Variants in PPFIA2 observed in about 807,000 individuals in gnomAD.
The protein encoded by PPFIA2 is liprin-alpha-2.
PPFIA2 carries 46 observed loss-of-function variants against 175.5 expected under a neutral mutation model. The observed-to-expected ratio is 0.26, with a 90% confidence interval of 0.21 to 0.34. PPFIA2 has a LOEUF of 0.34. Ranked by LOEUF, PPFIA2 falls within the 10% of genes least tolerant of loss-of-function variation. PPFIA2 has a pLI of 1.00. For missense variants in PPFIA2, 1,179 were observed against 1,506.1 expected, an observed-to-expected ratio of 0.78 and a Z score of 3.60; for synonymous variants, 568 against 511.4, an observed-to-expected ratio of 1.11 and a Z score of -1.49.
At chr12:81,493,733 T>C (rs1363697238) in intron 4 of PPFIA2, among the ~76,000 whole-genome samples, 1 of 39,230 alleles carries the variant, frequency 2.5e-5, no homozygotes, top group East Asian at 8.5e-4. Flanking sequence ...TGTGTGTTTG[T>C]GTGTGTGTGT....
At chr12:81,377,192 T>G (rs944989375) in intron 9 of PPFIA2, among the ~76,000 whole-genome samples, 5 of 152,126 alleles carry the variant, frequency 3.3e-5, no homozygotes, top group African/African-American at 1.2e-4. Context: ...ACCATATTTA[T>G]ACGTGCCATT....
intron 3 of PPFIA2, among the ~76,000 whole-genome samples, chr12:81,712,180 T>C (rs1430370823): frequency 6.6e-6 from 1 of 151,388 alleles, no homozygotes; most frequent in East Asian, 2.0e-4. Context: ...ACTACTATGC[T>C]GGTTGAAAGA....
At chr12:81,368,902 G>A in intron 12 of PPFIA2, 46 bp from the exon 13 acceptor site, 1 of 1,572,928 alleles carries the variant, frequency 6.4e-7, no homozygotes, top group East Asian at 2.3e-5. Flanking sequence ...AAAACTGTTT[G>A]AGATTATTTT....
At chr12:81,711,478 T>C (rs1346412278) in intron 3 of PPFIA2, among the ~76,000 whole-genome samples, 1 of 151,422 alleles carries the variant, frequency 6.6e-6, no homozygotes, top group Non-Finnish European at 1.5e-5. Flanking sequence ...TATTTATCTA[T>C]CTATCTATGT....
intron 4 of PPFIA2, among the ~76,000 whole-genome samples, chr12:81,518,212 A>T (rs2062696575): frequency 6.6e-6 from 1 of 152,210 alleles, no homozygotes; most frequent in Admixed American, 6.5e-5. Flanking sequence ...TGATGATCCA[A>T]TACCAACATG....
chr12:81,300,986 T>A (rs551285291), intron 22 of PPFIA2, among the ~76,000 whole-genome samples: 1 of 151,736 alleles, frequency 6.6e-6, no homozygotes, highest in South Asian at 2.1e-4. Flanking sequence ...TACAATACAA[T>A]ACAATATAAT....
intron 8 of PPFIA2, among the ~76,000 whole-genome samples, chr12:81,400,575 C>T (rs1033616676): frequency 2.6e-5 from 4 of 152,108 alleles, no homozygotes; most frequent in African/African-American, 9.7e-5. Flanking sequence ...TGAAAACATG[C>T]AAACAAAAAT....
Position 81,712,466 on chromosome 12 carries a change from T to C in PPFIA2, c.250-35622A>G, listed in dbSNP as rs1357607487. Reference sequence around the variant, plus strand: ...ATTTCCCAGCTGACATTAATTTTGGTTTATAAGGATGCACATTAAAAGCAG... The same window carrying C: ...ATTTCCCAGCTGACATTAATTTTGGCTTATAAGGATGCACATTAAAAGCAG... On this transcript the variant is annotated intron_variant, in intron 3 of 32. Transcript: ENST00000549396. 2.0e-5 allele frequency among the ~76,000 whole-genome samples: 3 copies of C among 151,296 alleles called. 1 individual carries two copies. The highest frequency in any genetic ancestry group is 4.4e-5 in the Non-Finnish European group (3 of 67,952).
chr12:81,700,890 T>C (rs920406132), intron 3 of PPFIA2, among the ~76,000 whole-genome samples: 3 of 152,104 alleles, frequency 2.0e-5, no homozygotes, highest in Non-Finnish European at 4.4e-5. Context: ...AGAATGCTCA[T>C]AGTTTAAATT....
intron 4 of PPFIA2, among the ~76,000 whole-genome samples, chr12:81,513,360 A>G (rs1048404875): frequency 6.6e-6 from 1 of 152,100 alleles, no homozygotes; most frequent in Non-Finnish European, 1.5e-5. Context: ...CAGAAAACTA[A>G]AAGTAGAACT....
At chr12:81,600,460 G>T (rs1357041075) in intron 4 of PPFIA2, among the ~76,000 whole-genome samples, 1 of 151,702 alleles carries the variant, frequency 6.6e-6, no homozygotes, top group Non-Finnish European at 1.5e-5. Context: ...CTTATGATTT[G>T]CTGAAACTAT....
intron 2 of PPFIA2, among the ~76,000 whole-genome samples, chr12:81,757,591 A>G (rs2084887510): frequency 6.6e-6 from 1 of 152,210 alleles, no homozygotes. Flanking sequence ...ATTTTATATC[A>G]GGAAAATAAC....
chr12:81,389,508 T>C lies in PPFIA2; in HGVS notation c.763-5264A>G, dbSNP rs553218461. 2.6e-4 allele frequency among the ~76,000 whole-genome samples: 39 copies of C among 152,188 alleles called. 1 individual carries two copies. In the South Asian group the frequency reaches 7.7e-3, roughly 30 times the overall value. On this transcript the variant is annotated intron_variant, in intron 8 of 32. Coordinates refer to ENST00000549396, the MANE Select transcript of PPFIA2 (RefSeq NM_003625.5). ...ATTACCCATGAGGAGATTTTAAAAC[T>C]CTCAATTTTTATTCCATAGTGTTTA...
chr12:81,440,950 G>C (rs2050077561), intron 6 of PPFIA2, among the ~76,000 whole-genome samples: 1 of 151,026 alleles, frequency 6.6e-6, no homozygotes, highest in African/African-American at 2.4e-5. Flanking sequence ...TTCATGGTGG[G>C]TTTTCGATTA....
intron 21 of PPFIA2, among the ~76,000 whole-genome samples, chr12:81,337,626 T>C (rs779672579): frequency 1.3e-5 from 2 of 152,128 alleles, no homozygotes; most frequent in African/African-American, 4.8e-5. Context: ...AATAAAAATA[T>C]AAAATTTTAA....
chr12:81,562,837 ACT>A (rs35890298), intron 4 of PPFIA2, among the ~76,000 whole-genome samples: 9,978 of 103,898 alleles, frequency 0.096, 620 homozygotes, highest in Middle Eastern at 0.17. Flanking sequence ...ACAGAGCGAG[ACT>A]CTGTCTCAAA....
At chr12:81,693,850 G>A (rs2075568305) in intron 3 of PPFIA2, among the ~76,000 whole-genome samples, 1 of 152,134 alleles carries the variant, frequency 6.6e-6, no homozygotes, top group South Asian at 2.1e-4. Context: ...ACAGGAACTG[G>A]AGCAAAGTTT....
At chr12:81,409,214 G>C (rs1283672039) in intron 7 of PPFIA2, among the ~76,000 whole-genome samples, 1 of 152,086 alleles carries the variant, frequency 6.6e-6, no homozygotes. Flanking sequence ...CACTGAGAGG[G>C]AATGTTGTCA....
intron 7 of PPFIA2, among the ~76,000 whole-genome samples, chr12:81,419,700 A>T (rs1193965372): frequency 6.6e-6 from 1 of 152,056 alleles, no homozygotes; most frequent in East Asian, 1.9e-4. Context: ...CACCTTATTT[A>T]TGTTGGATAT....
Sources: allele counts gnomAD v4.1 joint callset (sites outside exome capture counted in the v4.1 genomes callset), GRCh38; gene constraint gnomAD v4.1.1; transcripts MANE v1.5; gene names NCBI Gene and HGNC (gene_info 2026-07-23, HGNC 2026-07-21).